The following SLC12A8 variants were observed in gnomAD, a reference collection of about 807,000 sequenced individuals.
SLC12A8 encodes the protein cation-chloride cotransporter 9.
Under a neutral mutation model 75.6 loss-of-function variants are expected in SLC12A8, and 69 were observed. That is an observed-to-expected ratio of 0.91 (90% CI 0.75 to 1.11). The LOEUF (loss-of-function observed/expected upper bound fraction) is 1.11. Among genes scored for constraint, SLC12A8 ranks in the 50% most tolerant of loss-of-function variants. SLC12A8 has a pLI of 0.00. For synonymous variants in SLC12A8, 365 were observed against 372.8 expected, an observed-to-expected ratio of 0.98 and a Z score of 0.24; for missense variants, 877 against 896.7, an observed-to-expected ratio of 0.98 and a Z score of 0.28.
At chr3:125,136,989 C>G (rs1175275712) in intron 5 of SLC12A8, among the ~76,000 whole-genome samples, 3 of 152,194 alleles carry the variant, frequency 2.0e-5, no homozygotes, top group Non-Finnish European at 4.4e-5. Context: ...AGAAGCCAAT[C>G]CCTGCTCCTT....
At chr3:125,084,580 C>G (rs1348569837) in intron 13 of SLC12A8, among the ~76,000 whole-genome samples, 1 of 152,218 alleles carries the variant, frequency 6.6e-6, no homozygotes, top group Non-Finnish European at 1.5e-5. Context: ...AAGAGCAAGT[C>G]CCATATGGAT....
intron 6 of SLC12A8, among the ~76,000 whole-genome samples, chr3:125,121,958 G>A (rs1214912629): frequency 6.6e-6 from 1 of 152,230 alleles, no homozygotes; most frequent in Non-Finnish European, 1.5e-5. Context: ...TATGAGGGAA[G>A]ATTTAGCCCA....
intron 8 of SLC12A8, among the ~76,000 whole-genome samples, chr3:125,114,581 C>A (rs542374049): frequency 6.6e-6 from 1 of 152,136 alleles, no homozygotes; most frequent in African/African-American, 2.4e-5. Context: ...TGCACCACCA[C>A]GCCTGGCATA....
intron 2 of SLC12A8, among the ~76,000 whole-genome samples, chr3:125,209,408 C>T (rs1287711525): frequency 1.3e-5 from 2 of 152,172 alleles, no homozygotes; most frequent in African/African-American, 4.8e-5. Flanking sequence ...ACAGTAAGTG[C>T]CCACTAATTG....
intron 2 of SLC12A8, among the ~76,000 whole-genome samples, chr3:125,191,633 C>T (rs1420545241): frequency 4.6e-5 from 7 of 152,218 alleles, no homozygotes; most frequent in African/African-American, 1.4e-4. Context: ...CCAGAGTCCA[C>T]GGGGCATGGC....
intron 6 of SLC12A8, among the ~76,000 whole-genome samples, chr3:125,127,001 T>C (rs1933225848): frequency 6.6e-6 from 1 of 152,212 alleles, no homozygotes; most frequent in Non-Finnish European, 1.5e-5. Flanking sequence ...TTTGCAGGAC[T>C]GTGGTGAAGT....
Position 125,110,250 on chromosome 3 carries a change from C to T in SLC12A8, c.998G>A (p.Arg333His), listed in dbSNP as rs200851560. 78 of 1,613,950 alleles carry T rather than the reference C, an allele frequency of 4.8e-5. No individual in the cohort carries two copies. Among genetic ancestry groups the T allele is most frequent in the African/African-American group, 6.7e-5 (5 of 75,032 alleles). ...SCMGGLYGAPRILQCIAQEKV... is the reference protein window; with the variant it reads ...SCMGGLYGAPHILQCIAQEKV... ...CTCCTGGGCAATGCACTGCAGGATGCGGGGAGCTCCATAAAGTCCTCCCAT... is the reference window on the plus strand; with the variant it reads ...CTCCTGGGCAATGCACTGCAGGATGTGGGGAGCTCCATAAAGTCCTCCCAT... Residue 333 changes from arginine (R) to histidine (H), a missense_variant, in exon 9 of 14, where the codon CGC becomes CAC. Transcript: ENST00000469902.
chr3:125,101,933 G>A (rs1047337055), intron 10 of SLC12A8, among the ~76,000 whole-genome samples: 5 of 152,176 alleles, frequency 3.3e-5, no homozygotes, highest in African/African-American at 7.2e-5. Flanking sequence ...ATATTGTGAC[G>A]AGTACAGAGG....
intron 5 of SLC12A8, among the ~76,000 whole-genome samples, chr3:125,166,349 C>T (rs866309727): frequency 6.6e-6 from 1 of 152,114 alleles, no homozygotes; most frequent in African/African-American, 2.4e-5. Context: ...CCCTAGAGGC[C>T]CTGCCTGGCT....
rs1015549164 is a variant in SLC12A8, at chr3:125,132,085, A to G, written c.736+3584T>C. ...AATGGGAAGGCCTGGTTCTGTTTACAGATAAGGAATTGCAGAGCCCCCCAA... is the reference window on the plus strand; with the variant it reads ...AATGGGAAGGCCTGGTTCTGTTTACGGATAAGGAATTGCAGAGCCCCCCAA... On this transcript the variant is annotated intron_variant, in intron 6 of 13. Transcript: ENST00000469902. Among the ~76,000 whole-genome samples, 5 of 152,186 alleles carry G rather than the reference A, an allele frequency of 3.3e-5. No individual in the cohort carries two copies. The South Asian group carries it at 6.2e-4, about 19-fold the overall frequency.
At chr3:125,143,577 G>A (rs1222056843) in intron 5 of SLC12A8, among the ~76,000 whole-genome samples, 1 of 152,240 alleles carries the variant, frequency 6.6e-6, no homozygotes, top group Non-Finnish European at 1.5e-5. Context: ...GGAGGGCTGG[G>A]CATTCCAACA....
chr3:125,108,668 C>T (rs1939104284), intron 9 of SLC12A8, among the ~76,000 whole-genome samples: 1 of 152,236 alleles, frequency 6.6e-6, no homozygotes. Flanking sequence ...TGTGCCCAGC[C>T]ATAGGAATAA....
intron 3 of SLC12A8, among the ~76,000 whole-genome samples, chr3:125,189,441 C>G (rs780589906): frequency 1.5e-4 from 23 of 152,202 alleles, no homozygotes; most frequent in Non-Finnish European, 2.8e-4. Flanking sequence ...AACTGCATCT[C>G]CTCCAGGAAG....
At chr3:125,121,533 G>T (rs965657449) in intron 6 of SLC12A8, among the ~76,000 whole-genome samples, 4 of 152,190 alleles carry the variant, frequency 2.6e-5, no homozygotes, top group African/African-American at 9.7e-5. Flanking sequence ...CTAACTCCAT[G>T]ATTTGTGAAC....
chr3:125,111,032 CCAA>C (rs1182885901), intron 8 of SLC12A8, among the ~76,000 whole-genome samples: 2 of 152,182 alleles, frequency 1.3e-5, no homozygotes, highest in Non-Finnish European at 2.9e-5. Flanking sequence ...AAACTCAGCA[CCAA>C]CCTCACCTCC....
rs141494457 is a variant in SLC12A8, at chr3:125,140,510, A to C, written c.623-4728T>G. ...AGATCATGGCATCTCCCCCGGCCCC[A>C]TTTGTGTAGGGCAGACAGGAGTCCT... On this transcript the variant is annotated intron_variant, in intron 5 of 13. Transcript: ENST00000469902. 1.7e-3 allele frequency among the ~76,000 whole-genome samples: 259 copies of C among 151,940 alleles called. 1 individual carries two copies. The highest frequency in any genetic ancestry group is 6.0e-3 in the African/African-American group (248 of 41,454).
At chr3:125,146,140 T>G (rs948754073) in intron 5 of SLC12A8, among the ~76,000 whole-genome samples, 2 of 152,224 alleles carry the variant, frequency 1.3e-5, no homozygotes, top group Non-Finnish European at 2.9e-5. Flanking sequence ...CAAAATACCT[T>G]ATTGTACTAT....
At chr3:125,088,257 C>T in intron 13 of SLC12A8, 53 bp downstream of exon 13, 2 of 1,589,372 alleles carry the variant, frequency 1.3e-6, no homozygotes, top group Non-Finnish European at 1.7e-6. Flanking sequence ...TTGGCACCTC[C>T]CAGGACTCTG....
chr3:125,207,501 T>C (rs1290489973), intron 2 of SLC12A8, among the ~76,000 whole-genome samples: 1 of 152,190 alleles, frequency 6.6e-6, no homozygotes, highest in African/African-American at 2.4e-5. Flanking sequence ...TGTTTTAGTA[T>C]ATCCAGCAGG....
Sources: gnomAD v4.1 joint callset for allele counts (sites outside exome capture counted in the v4.1 genomes callset) on GRCh38, gnomAD v4.1.1 for gene constraint, MANE v1.5 for transcripts, NCBI Gene and HGNC (gene_info 2026-07-23, HGNC 2026-07-21) for gene names.